The following FAM47E variants were observed in gnomAD, a reference collection of about 807,000 sequenced individuals.
FAM47E encodes the protein family with sequence similarity 47 member E.
FAM47E carries 32 observed loss-of-function variants against 41.6 expected under a neutral mutation model. The observed-to-expected ratio is 0.77, with a 90% CI of 0.58 to 1.03. The LOEUF is 1.03. FAM47E is among the 50% of genes least tolerant of loss of function. The pLI is 0.00. For missense variants in FAM47E, 424 were observed against 485.4 expected (o/e 0.87, Z 1.19); for synonymous variants, 184 against 188.7 (o/e 0.98, Z 0.20).
At chr4:76,228,310 T>C (rs1733434330) in intron 2 of FAM47E, among the ~76,000 whole-genome samples, 1 of 151,916 alleles carries the variant, frequency 6.6e-6, no homozygotes, top group Non-Finnish European at 1.5e-5. Flanking sequence ...TGAAACCCCA[T>C]CTCTACTAAA....
chr4:76,242,872 T>C (rs1009909695), intron 2 of FAM47E, among the ~76,000 whole-genome samples: 4 of 152,240 alleles, frequency 2.6e-5, no homozygotes, highest in African/African-American at 9.6e-5. Context: ...CTAGAAAATG[T>C]ATACTTACGT....
intron 3 of FAM47E, 75 bp from the exon 4 acceptor site, chr4:76,268,585 G>A (rs1734743824): frequency 3.5e-6 from 5 of 1,419,816 alleles, no homozygotes; most frequent in Non-Finnish European, 4.7e-6. Context: ...ATTTCCTTTT[G>A]CCTCTAAAAC....
At chr4:76,276,012 G>T (rs1560752281) in intron 5 of FAM47E, among the ~76,000 whole-genome samples, 1 of 139,886 alleles carries the variant, frequency 7.1e-6, no homozygotes, top group African/African-American at 2.5e-5. Context: ...ATGATGCATG[G>T]GACAGACAGA....
At chr4:76,214,196 C>T (rs902878288) in exon 1 of FAM47E, 1 of 453,762 alleles carries the variant, frequency 2.2e-6, no homozygotes, top group Admixed American at 2.4e-5. Flanking sequence ...TCTAGAGGCG[C>T]TCGCAAGTTA....
intron 4 of FAM47E, 73 bp from the exon 5 acceptor site, chr4:76,271,495 C>A: frequency 6.6e-7 from 1 of 1,503,962 alleles, no homozygotes; most frequent in Non-Finnish European, 9.0e-7. Context: ...CAGCGATGGC[C>A]CTCAGATTAA....
At chr4:76,266,108 C>T (rs1282267659) in intron 3 of FAM47E, among the ~76,000 whole-genome samples, 2 of 152,168 alleles carry the variant, frequency 1.3e-5, no homozygotes, top group Non-Finnish European at 2.9e-5. Context: ...TTGATCATGT[C>T]CTCTTTCTCA....
At chr4:76,268,399 C>T in intron 3 of FAM47E, 1 of 335,446 alleles carries the variant, frequency 3.0e-6, no homozygotes, top group East Asian at 6.8e-5. Flanking sequence ...ATAAATGGTA[C>T]TCAAAATTTA....
intron 2 of FAM47E, chr4:76,234,678 G>T (rs1413873940): frequency 6.6e-6 from 1 of 152,300 alleles, no homozygotes; most frequent in Non-Finnish European, 1.5e-5. Context: ...GGCAGGCCAA[G>T]TTGAGAGGAT....
intron 5 of FAM47E, among the ~76,000 whole-genome samples, chr4:76,275,579 G>C (rs1205566764): frequency 6.6e-6 from 1 of 152,110 alleles, no homozygotes; most frequent in Non-Finnish European, 1.5e-5. Context: ...AGCCTAGTGG[G>C]GTCAACAGGT....
intron 1 of FAM47E, among the ~76,000 whole-genome samples, chr4:76,252,044 C>G (rs1733988087): frequency 6.6e-6 from 1 of 152,216 alleles, no homozygotes; most frequent in Non-Finnish European, 1.5e-5. Flanking sequence ...CCGCCTCCCA[C>G]GCCCCCAGGG....
At chr4:76,233,582 A>G (rs983968416) in intron 2 of FAM47E, among the ~76,000 whole-genome samples, 7 of 14,254 alleles carry the variant, frequency 4.9e-4, no homozygotes, top group Non-Finnish European at 1.8e-3. Context: ...TCACACACAC[A>G]CACGCACACA....
intron 2 of FAM47E, among the ~76,000 whole-genome samples, chr4:76,237,157 A>C (rs1733602654): frequency 6.6e-6 from 1 of 151,928 alleles, no homozygotes; most frequent in African/African-American, 2.4e-5. Context: ...GGCCTCCCAA[A>C]GTGCTGGGCT....
Position 76,256,193 on chromosome 4 carries a change from C to T in FAM47E, c.90C>T (p.His30=). 1 of 1,551,402 alleles carries T rather than the reference C, an allele frequency of 6.4e-7. No homozygotes were observed. The highest frequency in any genetic ancestry group is 1.2e-5 in the South Asian group (1 of 84,036). ...VNCRSRCFTK[H]KNGLKFPTSL... Reference sequence around the variant, plus strand: ...TACCTTCCAGATGTTTCACAAAGCACAAGAACGGGCTGAAGTTCCCCACCT... The same window carrying T: ...TACCTTCCAGATGTTTCACAAAGCATAAGAACGGGCTGAAGTTCCCCACCT... Residue 30 remains histidine (H), a synonymous_variant, in exon 2 of 8, where the codon CAC becomes CAT. Coordinates refer to ENST00000424749, the MANE Select transcript of FAM47E (RefSeq NM_001136570.3).
chr4:76,279,272 A>T, intron 6 of FAM47E: 1 of 152,188 alleles, frequency 6.6e-6, no homozygotes, highest in East Asian at 1.9e-4. Context: ...TTTTATTATA[A>T]AAGGTAACAT....
In FAM47E at chr4:76,233,527, TTGTC is replaced by T. The variant is rs1017926634; in HGVS notation, c.81+15841_81+15844del. On this transcript the variant is annotated intron_variant, in intron 2 of 7. Coordinates refer to the FAM47E transcript ENST00000510197. ...TTAAAAAAATATTAGATCTGAGCAC[TTGTC>T]TTTCTTTAGGCCAAATTAATTAGAG... Among the ~76,000 whole-genome samples, 83 of 152,230 alleles carry T rather than the reference TTGTC, an allele frequency of 5.5e-4. 1 individual carries two copies. Among genetic ancestry groups the T allele is most frequent in the African/African-American group, 2.0e-3 (81 of 41,516 alleles).
At chr4:76,228,209 G>A (rs2109984057) in intron 2 of FAM47E, among the ~76,000 whole-genome samples, 1 of 152,096 alleles carries the variant, frequency 6.6e-6, no homozygotes, top group African/African-American at 2.4e-5. Context: ...TGGGCGCAGT[G>A]GCTCACACCT....
intron 2 of FAM47E, among the ~76,000 whole-genome samples, chr4:76,259,675 A>G (rs1734326674): frequency 6.6e-6 from 1 of 152,214 alleles, no homozygotes; most frequent in Admixed American, 6.5e-5. Flanking sequence ...AACCTGAAAG[A>G]GTTATCAATA....
At position 76,251,827 on chromosome 4, in the gene FAM47E, A is replaced by C. The variant is rs774154844; in HGVS notation, c.74+7A>C. ...GCGTGAACTGCAGGTCCAGGTAAAC[A>C]CTCAGCGCCCGGGCCGAGGGCGCAT... On this transcript the variant is annotated splice_region_variant and intron_variant, in intron 1 of 7. Coordinates refer to ENST00000424749, the MANE Select transcript of FAM47E (RefSeq NM_001136570.3). 1.4e-6 allele frequency: 2 copies of C among 1,450,316 alleles called. No homozygotes were observed. The highest frequency in any genetic ancestry group is 2.7e-5 in the South Asian group (2 of 74,690). The allele number at this position is 1,450,316 out of a possible 1,614,324, so 89.8% of individuals were successfully genotyped here.
At chr4:76,217,747 C>A in intron 2 of FAM47E, 1 of 510,418 alleles carries the variant, frequency 2.0e-6, no homozygotes, top group Non-Finnish European at 3.6e-6. Flanking sequence ...GATGCTGTGG[C>A]AAGGAGATAC....
Sources: allele counts gnomAD v4.1 joint callset (sites outside exome capture counted in the v4.1 genomes callset), GRCh38; gene constraint gnomAD v4.1.1; transcripts MANE v1.5; gene names NCBI Gene and HGNC (gene_info 2026-07-23, HGNC 2026-07-21).